BRCA1: variants seen among roughly 807,000 people sequenced by gnomAD.
BRCA1 encodes BRCA1 DNA repair associated.
BRCA1 carries 140 observed loss-of-function variants against 173.7 expected under a neutral mutation model. The ratio of observed to expected loss-of-function variants is 0.81; its 90% CI spans 0.70 to 0.93. The LOEUF (loss-of-function observed/expected upper bound fraction) is 0.93, where lower values mean the gene tolerates loss of function less well. BRCA1 is among the 40% of genes least tolerant of loss of function. The pLI, the probability that BRCA1 is intolerant of heterozygous loss-of-function variation, is 0.00. For synonymous variants in BRCA1, 662 were observed against 756.0 expected (o/e 0.88, Z 2.04); for missense variants, 1,983 against 2,172.5 (o/e 0.91, Z 1.73).
chr17:43,096,760 C>T (rs564893258), intron 8 of BRCA1, among the ~76,000 whole-genome samples: 3 of 152,264 alleles, frequency 2.0e-5, no homozygotes, highest in African/African-American at 7.2e-5. Context: ...ACAATTACTG[C>T]TGTGTCAATA....
At chr17:43,059,364 T>C (rs548900754) in intron 18 of BRCA1, among the ~76,000 whole-genome samples, 2 of 152,210 alleles carry the variant, frequency 1.3e-5, no homozygotes, top group East Asian at 3.9e-4. Context: ...CTCGGGAGGC[T>C]GAGGCAGGAA....
chr17:43,103,669 TCTAA>T (rs1387919935), intron 6 of BRCA1, among the ~76,000 whole-genome samples: 1 of 152,116 alleles, frequency 6.6e-6, no homozygotes, highest in Non-Finnish European at 1.5e-5. Flanking sequence ...TTCTCTGAAC[TCTAA>T]CTGATTAGAA....
At chr17:43,142,245 T>A (rs1276915639) in intron 1 of BRCA1, among the ~76,000 whole-genome samples, 3 of 152,202 alleles carry the variant, frequency 2.0e-5, no homozygotes, top group African/African-American at 7.2e-5. Flanking sequence ...TCCCTGCTTA[T>A]GTCCAACACT....
intron 19 of BRCA1, among the ~76,000 whole-genome samples, chr17:43,054,221 C>T (rs575786890): frequency 6.6e-6 from 1 of 152,222 alleles, no homozygotes; most frequent in South Asian, 2.1e-4. Flanking sequence ...CATGGCGCTC[C>T]CCTGTGGTAA....
At chr17:43,046,500 C>T (rs368688955) in intron 22 of BRCA1, among the ~76,000 whole-genome samples, 1 of 151,754 alleles carries the variant, frequency 6.6e-6, no homozygotes, top group South Asian at 2.1e-4. Context: ...TGGGTTCAAG[C>T]GATTCTCCTG....
At position 43,061,603 on chromosome 17, in the gene BRCA1, G is replaced by A. The variant is rs8176270; in HGVS notation, c.5193+1730C>T. Among the ~76,000 whole-genome samples the A allele has an allele frequency of 2.7e-3, 392 of 145,506 alleles. 2 individuals are homozygous for A. The highest frequency in any genetic ancestry group is 9.8e-3 in the African/African-American group (384 of 39,242). On this transcript the variant is annotated intron_variant, in intron 18 of 22. Transcript: ENST00000357654. The stretch of plus-strand genomic sequence containing the variant: ...AAAATTACTTTTTTTTTTTTTTTAA[G>A]ACAGGGTCTCATTCTGTCTCACAGG...
intron 14 of BRCA1, among the ~76,000 whole-genome samples, chr17:43,073,037 G>A (rs2052525627): frequency 6.6e-6 from 1 of 151,672 alleles, no homozygotes; most frequent in Non-Finnish European, 1.5e-5. Flanking sequence ...TATCTTTTAA[G>A]AGGTGGCATC....
chr17:43,132,393 C>G (rs2055974925), intron 1 of BRCA1, among the ~76,000 whole-genome samples: 1 of 152,072 alleles, frequency 6.6e-6, no homozygotes, highest in African/African-American at 2.4e-5. Context: ...GAAGTCCCAG[C>G]AAATAATATG....
rs2055016892 is a variant in BRCA1 at position 43,111,145 on chromosome 17, A to G, written c.134+4581T>C. On this transcript the variant is annotated intron_variant, in intron 3 of 22. Coordinates refer to ENST00000357654, the MANE Select transcript of BRCA1 (RefSeq NM_007294.4). Reference sequence around the variant, plus strand: ...TTACACATTGCATTTTTTTGTTTGGAAAGTTCAAACTAATGCATGACTGCC... The same window carrying G: ...TTACACATTGCATTTTTTTGTTTGGGAAGTTCAAACTAATGCATGACTGCC... Among the ~76,000 whole-genome samples, 4 of 150,834 alleles carry G rather than the reference A, an allele frequency of 2.7e-5. No individual in the cohort carries two copies. The South Asian group carries it at 8.3e-4, about 31-fold the overall frequency.
At chr17:43,111,322 C>A (rs890741004) in intron 3 of BRCA1, among the ~76,000 whole-genome samples, 3 of 151,400 alleles carry the variant, frequency 2.0e-5, no homozygotes, top group South Asian at 2.1e-4. Flanking sequence ...GAGTTTTGGA[C>A]CAGCCTGGCC....
chr17:43,092,244 T>C lies in BRCA1; in HGVS notation c.3287A>G (p.Gln1096Arg), dbSNP rs273899704. Reference sequence around the variant, plus strand: ...CTTACAATTACTTCCAGGAAGACTTTGTTTATAGACCTCAGGTTGCAAAAC... The same window carrying C: ...CTTACAATTACTTCCAGGAAGACTTCGTTTATAGACCTCAGGTTGCAAAAC... The part of the protein sequence containing the change: ...LGVLQPEVYK[Q>R]SLPGSNCKHP... Residue 1096 changes from glutamine to arginine, a missense_variant, in exon 10 of 23, where the codon CAA (glutamine) becomes CGA (arginine). Coordinates refer to ENST00000357654, the MANE Select transcript of BRCA1 (RefSeq NM_007294.4). The C allele has an allele frequency of 1.2e-6, 2 of 1,613,728 alleles. No homozygotes were observed. Among genetic ancestry groups the C allele is most frequent in the East Asian group, 4.5e-5 (2 of 44,874 alleles).
chr17:43,072,810 C>T (rs558425392), intron 14 of BRCA1, among the ~76,000 whole-genome samples: 4 of 151,886 alleles, frequency 2.6e-5, no homozygotes, highest in East Asian at 2.0e-4. Context: ...GTGATCTGCC[C>T]GCCTCGGCCT....
chr17:43,074,382 ACT>A lies in BRCA1; in HGVS notation c.4622_4623del (p.Glu1541ValfsTer32), dbSNP rs886040241. 6.2e-7 allele frequency: 1 copy of A among 1,613,970 alleles called. No individual in the cohort carries two copies. The part of the protein sequence containing the change: ...VVDVEEQQLE[E>X]SGPHDLTETS... ...GTTTCCGTCAAATCGTGTGGCCCAG[ACT>A]CTTCCAGCTGTTGCTCCTCCACATC... On this transcript the variant is annotated frameshift_variant, in exon 14 of 23. Transcript: ENST00000357654. LOFTEE classifies it high-confidence loss of function.
intron 1 of BRCA1, among the ~76,000 whole-genome samples, chr17:43,158,521 A>G (rs1253836307): frequency 2.0e-5 from 3 of 152,226 alleles, no homozygotes; most frequent in Admixed American, 6.5e-5. Flanking sequence ...ATAAAGCACA[A>G]AAGAAAATTT....
At chr17:43,088,800 C>CT (rs1286398540) in intron 11 of BRCA1, among the ~76,000 whole-genome samples, 2 of 152,154 alleles carry the variant, frequency 1.3e-5, no homozygotes, top group South Asian at 2.1e-4. Context: ...AGCAAACTGT[C>CT]TAAGATCACA....
At chr17:43,127,598 A>G (rs2055922195), upstream of BRCA1, among the ~76,000 whole-genome samples, 2 of 152,160 alleles carry the variant, frequency 1.3e-5, no homozygotes, top group Non-Finnish European at 2.9e-5. Flanking sequence ...AAATGCACCA[A>G]TCAGCACTCT....
chr17:43,138,703 G>C (rs1567829444), intron 1 of BRCA1: 2 of 779,312 alleles, frequency 2.6e-6, no homozygotes, highest in South Asian at 1.3e-5. Context: ...TTGCCAGCAG[G>C]GTGCTGCCAA....
At chr17:43,080,104 T>C (rs989029240) in intron 12 of BRCA1, among the ~76,000 whole-genome samples, 1 of 152,154 alleles carries the variant, frequency 6.6e-6, no homozygotes, top group Non-Finnish European at 1.5e-5. Context: ...TTTCAGAATA[T>C]TATTGTAGTT....
At chr17:43,125,244 C>T (rs1172227698) in intron 1 of BRCA1, 27 bp downstream of exon 1, 1 of 456,198 alleles carries the variant, frequency 2.2e-6, no homozygotes, top group Non-Finnish European at 4.4e-6. Context: ...ACTTGGGCCC[C>T]CTGTCCCTTT....
Sources: allele counts gnomAD v4.1 joint callset (sites outside exome capture counted in the v4.1 genomes callset), GRCh38; gene constraint gnomAD v4.1.1; transcripts MANE v1.5; gene names NCBI Gene and HGNC (gene_info 2026-07-23, HGNC 2026-07-21).